The following DMD variants were observed in gnomAD, a reference collection of about 807,000 sequenced individuals.
DMD encodes mutant dystrophin.
A neutral mutation model predicts 330.1 loss-of-function variants in DMD; 63 were observed. The observed-to-expected ratio is 0.19, with a 90% CI of 0.16 to 0.24. The LOEUF (loss-of-function observed/expected upper bound fraction) is 0.24, where lower values mean the gene tolerates loss of function less well. Among genes scored for constraint, DMD ranks in the 10% least tolerant of loss-of-function variants. The probability of loss-of-function intolerance (pLI) is 1.00; values close to 1 mark genes in which losing one functional copy is unlikely to be tolerated. For missense variants in DMD, 3,344 were observed against 2,684.1 expected, an observed-to-expected ratio of 1.25 and a Z score of -5.43; for synonymous variants, 1,223 against 959.8, an observed-to-expected ratio of 1.27 and a Z score of -5.07.
chrX:31,758,900 T>C (rs773016179), intron 51 of DMD, among the ~76,000 whole-genome samples: 157 of 112,275 alleles, frequency 1.4e-3, no homozygotes, highest in African/African-American at 4.7e-3. Flanking sequence ...TTAAAGAATA[T>C]AGAACAAATT....
chrX:32,350,857 G>A (rs2097779273), intron 37 of DMD, among the ~76,000 whole-genome samples: 1 of 110,234 alleles, frequency 9.1e-6, no homozygotes. Flanking sequence ...ACCTTTTTTT[G>A]CAGGCCATTT....
intron 67 of DMD, among the ~76,000 whole-genome samples, chrX:31,203,541 A>AG (rs1225048062): frequency 9.0e-6 from 1 of 111,224 alleles, no homozygotes; most frequent in Non-Finnish European, 1.9e-5. Context: ...CAGTTTTAAA[A>AG]AAAAGGACAG....
At chrX:32,358,147 C>T (rs1440534818) in intron 37 of DMD, among the ~76,000 whole-genome samples, 1 of 111,240 alleles carries the variant, frequency 9.0e-6, no homozygotes, top group African/African-American at 3.3e-5. Context: ...AGTCTTCACT[C>T]ATTAGTGCTT....
chrX:31,381,419 ACT>A (rs1480771845), intron 60 of DMD, among the ~76,000 whole-genome samples: 1 of 109,817 alleles, frequency 9.1e-6, no homozygotes, highest in Admixed American at 9.7e-5. Flanking sequence ...TGCTCAACTC[ACT>A]CTCTACAGTT....
At chrX:32,389,697 C>CACT in intron 31 of DMD, 23 bp from the exon 32 acceptor site, 1 of 1,197,998 alleles carries the variant, frequency 8.3e-7, no homozygotes, top group South Asian at 1.8e-5. Flanking sequence ...TGTAAAAAGG[C>CACT]ACTGATTTAA....
intron 55 of DMD, among the ~76,000 whole-genome samples, chrX:31,585,712 T>C (rs988433754): frequency 9.0e-5 from 10 of 111,014 alleles, no homozygotes; most frequent in Non-Finnish European, 1.9e-4. Flanking sequence ...CTGGCCTAAA[T>C]TGTTTTTGCT....
chrX:32,573,102 C>T (rs764430747), intron 15 of DMD, among the ~76,000 whole-genome samples: 1 of 111,200 alleles, frequency 9.0e-6, no homozygotes, highest in Non-Finnish European at 1.9e-5. Context: ...TTACCCAGTC[C>T]CAGTCTCAGG....
chrX:31,638,560 G>T (rs1304596816), intron 54 of DMD, among the ~76,000 whole-genome samples: 1 of 112,470 alleles, frequency 8.9e-6, no homozygotes, highest in Non-Finnish European at 1.9e-5. Flanking sequence ...TTATTCACAA[G>T]AGTATAACGA....
chrX:32,398,068 G>A (rs756883924), intron 30 of DMD, among the ~76,000 whole-genome samples: 11 of 110,629 alleles, frequency 9.9e-5, no homozygotes, highest in African/African-American at 2.9e-4. Context: ...CATATCACAC[G>A]TACTTAGAAA....
rs144835328 is a variant in DMD, at chrX:32,258,777, C to T, written c.6290+28752G>A. 5.1e-3 allele frequency among the ~76,000 whole-genome samples: 565 copies of T among 110,569 alleles called. 2 individuals carry two copies. The highest frequency in any genetic ancestry group is 0.018 in the African/African-American group (545 of 30,357). Reference sequence around the variant, plus strand: ...TGTACACCTATGCAACAAACCTGCCCGTTCTGCACGTGTGTCCCAGAACTT... The same window carrying T: ...TGTACACCTATGCAACAAACCTGCCTGTTCTGCACGTGTGTCCCAGAACTT... On this transcript the variant is annotated intron_variant, in intron 43 of 78. Transcript: ENST00000357033.
At chrX:32,237,238 G>A (rs2097191379) in intron 43 of DMD, among the ~76,000 whole-genome samples, 1 of 110,780 alleles carries the variant, frequency 9.0e-6, no homozygotes, top group Admixed American at 9.7e-5. Context: ...GTGTGAGATA[G>A]GGATCTAATT....
At chrX:32,012,683 C>T (rs943164431) in intron 44 of DMD, among the ~76,000 whole-genome samples, 1 of 111,472 alleles carries the variant, frequency 9.0e-6, no homozygotes, top group Non-Finnish European at 1.9e-5. Context: ...ACGAAGGGCC[C>T]GAATGCACCC....
At chrX:32,945,467 G>C (rs984787005) in intron 2 of DMD, among the ~76,000 whole-genome samples, 11 of 110,725 alleles carry the variant, frequency 9.9e-5, no homozygotes, top group African/African-American at 3.6e-4. Flanking sequence ...TGAATAATTT[G>C]ACTTTTTTCC....
At chrX:32,077,343 G>A (rs2096360471) in intron 44 of DMD, among the ~76,000 whole-genome samples, 2 of 110,877 alleles carry the variant, frequency 1.8e-5, no homozygotes, top group African/African-American at 6.6e-5. Flanking sequence ...GGCTGAGTAG[G>A]TGTATTTCAA....
Position 31,832,831 on chromosome X carries a change from G to A in DMD, c.7200+3887C>T, listed in dbSNP as rs759511805. On this transcript the variant is annotated intron_variant, in intron 49 of 78. Transcript: ENST00000357033. ...ATGGCAGGTGATGTAAGCATTGAAA[G>A]TACATAAACATATTTTTAAAAGTTA... Among the ~76,000 whole-genome samples the A allele has an allele frequency of 2.6e-3, 295 of 112,251 alleles. 4 individuals are homozygous for A. The highest frequency in any genetic ancestry group is 4.8e-3 in the African/African-American group (150 of 30,956).
In DMD at chrX:32,029,367, T is replaced by C. The variant is rs747539275; in HGVS notation, c.6439-60853A>G. On this transcript the variant is annotated intron_variant, in intron 44 of 78. Coordinates refer to ENST00000357033, the MANE Select transcript of DMD (RefSeq NM_004006.3). ...AGGTCAAACTTCACAAAACAGAATA[T>C]AACATAAATAATCAACACCATAGGC... is the stretch of plus-strand genomic sequence containing the variant. Among the ~76,000 whole-genome samples, 109 of 111,404 alleles carry C rather than the reference T, an allele frequency of 9.8e-4. 2 individuals are homozygous for C. The highest frequency in any genetic ancestry group is 3.6e-4 in the Non-Finnish European group (19 of 52,966).
intron 1 of DMD, among the ~76,000 whole-genome samples, chrX:33,320,430 T>C (rs1015928947): frequency 2.7e-5 from 3 of 112,183 alleles, no homozygotes; most frequent in African/African-American, 9.7e-5. Context: ...TCCCAGTGTA[T>C]ATAAAAGTTA....
intron 34 of DMD, among the ~76,000 whole-genome samples, chrX:32,365,692 T>C (rs2097851999): frequency 8.9e-6 from 1 of 111,903 alleles, no homozygotes; most frequent in Non-Finnish European, 1.9e-5. Flanking sequence ...ATACATAGGA[T>C]TTTAAATGAA....
chrX:31,765,594 T>C (rs1049701862), intron 51 of DMD, among the ~76,000 whole-genome samples: 4 of 112,106 alleles, frequency 3.6e-5, no homozygotes, highest in Admixed American at 9.5e-5. Context: ...AAGAAAATAC[T>C]AGTAGTATTT....
Sources: gnomAD v4.1 joint callset for allele counts (sites outside exome capture counted in the v4.1 genomes callset) on GRCh38, gnomAD v4.1.1 for gene constraint, MANE v1.5 for transcripts, NCBI Gene and HGNC (gene_info 2026-07-23, HGNC 2026-07-21) for gene names.